Variants in TBC1D10A observed in about 807,000 individuals in gnomAD.
TBC1D10A encodes the protein EBP50-PDX interactor of 64 kDa.
Under a neutral mutation model 52.9 loss-of-function variants are expected in TBC1D10A, and 24 were observed. The ratio of observed to expected loss-of-function variants is 0.45; its 90% CI spans 0.33 to 0.64. The LOEUF (loss-of-function observed/expected upper bound fraction) is 0.64, where lower values mean the gene tolerates loss of function less well. Among genes scored for constraint, TBC1D10A ranks in the 30% least tolerant of loss-of-function variants. The pLI is 0.02. For missense variants in TBC1D10A, 602 were observed against 687.9 expected (o/e 0.88, Z 1.40); for synonymous variants, 278 against 282.9 (o/e 0.98, Z 0.17).
Position 30,299,495 on chromosome 22 carries a change from C to G in TBC1D10A, c.366G>C (p.Gln122His), listed in dbSNP as rs1407856949. 1.9e-6 allele frequency: 3 copies of G among 1,614,096 alleles called. No homozygotes were observed. The highest frequency in any genetic ancestry group is 2.5e-6 in the Non-Finnish European group (3 of 1,180,036). The change falls in exon 3 of 9, where the codon CAG becomes CAC. Residue 122 changes from glutamine (Q) to histidine (H), a missense_variant. By Grantham distance (24) the Gln-to-His change is conservative. Around this residue, in one of 3 missense-constraint regions of TBC1D10A, gnomAD observed 201 missense variants for 204.4 expected, o/e 0.98. Transcript: ENST00000215790. Reference protein sequence around the residue: ...IPPSLRGRAWQYLSGGKVKLQ... With the variant: ...IPPSLRGRAWHYLSGGKVKLQ... ...ACTTCACCTTGCCTCCTGACAGGTA[C>G]TGCCAAGCACGGCCCCGCAGAGAAG... is the stretch of plus-strand genomic sequence containing the variant.
intron 1 of TBC1D10A, among the ~76,000 whole-genome samples, chr22:30,325,663 G>A (rs907828177): frequency 2.0e-5 from 3 of 152,122 alleles, no homozygotes; most frequent in African/African-American, 4.8e-5. Flanking sequence ...ATTCTGTGGG[G>A]CAACATGGGG....
rs1314145104 is a variant in TBC1D10A at position 30,299,506 on chromosome 22, G to A, written c.355C>T (p.Arg119Cys). Residue 119 changes from arginine to cysteine, a missense_variant, in exon 3 of 9, where the codon CGT becomes TGT. Transcript: ENST00000215790. ...QKGIPPSLRG[R>C]AWQYLSGGKV... ...CCTCCTGACAGGTACTGCCAAGCAC[G>A]GCCCCGCAGAGAAGGCGGGATGCCC... 7.4e-6 allele frequency: 12 copies of A among 1,614,186 alleles called. No individual in the cohort carries two copies. Among genetic ancestry groups the A allele is most frequent in the East Asian group, 6.7e-5 (3 of 44,888 alleles).
intron 1 of TBC1D10A, among the ~76,000 whole-genome samples, chr22:30,309,319 C>G (rs1346859310): frequency 1.3e-5 from 2 of 150,656 alleles, no homozygotes. Context: ...TCACTGCAAC[C>G]TCCACCTCCC....
chr22:30,312,565 T>TAAC (rs960773778), intron 1 of TBC1D10A, among the ~76,000 whole-genome samples: 6 of 151,982 alleles, frequency 3.9e-5, no homozygotes, highest in South Asian at 4.2e-4. Context: ...CAAAGAACAA[T>TAAC]AACAACAACA....
At chr22:30,306,485 A>G (rs1930311899) in intron 1 of TBC1D10A, among the ~76,000 whole-genome samples, 1 of 152,222 alleles carries the variant, frequency 6.6e-6, no homozygotes, top group East Asian at 1.9e-4. Context: ...CAGCTTTGGC[A>G]GTTTCAAACC....
intron 1 of TBC1D10A, among the ~76,000 whole-genome samples, chr22:30,314,849 C>T (rs1467924563): frequency 1.3e-5 from 2 of 150,658 alleles, no homozygotes; most frequent in Non-Finnish European, 3.0e-5. Flanking sequence ...ACACAAAAAA[C>T]CCACAAAAAA....
Position 30,292,260 on chromosome 22 carries a change from C to T in TBC1D10A, c.*115G>A. The T allele has an allele frequency of 4.3e-6, 4 of 936,928 alleles. No homozygotes were observed. 58.0% of individuals were successfully genotyped at this position (936,928 alleles called of 1,614,324 possible). ...CTGTGTTGGACCAGCCAGACTCCAG[C>T]CCAGCCCAGTGGCCAGGCAGCTTGG... On this transcript the variant is annotated 3_prime_UTR_variant, in exon 9 of 9. Transcript: ENST00000215790.
chr22:30,322,544 C>T (rs1025100368), intron 1 of TBC1D10A, among the ~76,000 whole-genome samples: 2 of 148,982 alleles, frequency 1.3e-5, no homozygotes, highest in African/African-American at 5.0e-5. Context: ...TCACAGGCCT[C>T]CAGTTTATCC....
At chr22:30,320,109 C>T (rs1427374201) in intron 1 of TBC1D10A, among the ~76,000 whole-genome samples, 1 of 152,168 alleles carries the variant, frequency 6.6e-6, no homozygotes, top group Non-Finnish European at 1.5e-5. Flanking sequence ...TAATCCCTGC[C>T]TCATCTACAA....
intron 4 of TBC1D10A, 56 bp from the exon 5 acceptor site, chr22:30,295,111 C>T: frequency 1.3e-6 from 2 of 1,561,078 alleles, no homozygotes; most frequent in Non-Finnish European, 1.8e-6. Context: ...TACCCACGGC[C>T]TTCACCTATG....
In TBC1D10A at chr22:30,299,560, C is replaced by G; in HGVS notation, c.310-9G>C. 1 of 1,613,760 alleles carries G rather than the reference C, an allele frequency of 6.2e-7. No individual in the cohort carries two copies. Among genetic ancestry groups the G allele is most frequent in the East Asian group, 2.2e-5 (1 of 44,868 alleles). On this transcript the variant is annotated splice_polypyrimidine_tract_variant and intron_variant, in intron 2 of 8. Coordinates refer to ENST00000215790, the MANE Select transcript of TBC1D10A (RefSeq NM_031937.3). ...TGGCACCGCAGACGAATCTGAAAAT[C>G]AAAAGGACAGCTGAGCCCATGCAGC...
At chr22:30,314,617 C>T (rs569292945) in intron 1 of TBC1D10A, among the ~76,000 whole-genome samples, 2 of 152,182 alleles carry the variant, frequency 1.3e-5, no homozygotes, top group East Asian at 1.9e-4. Context: ...TGAGACCAGC[C>T]TGGGCAAGAG....
chr22:30,295,985 A>G, intron 3 of TBC1D10A, 142 bp from the exon 4 acceptor site: 1 of 693,828 alleles, frequency 1.4e-6, no homozygotes, highest in Non-Finnish European at 2.4e-6. Context: ...GGGCCTTCCC[A>G]AGGACAGGAA....
intron 2 of TBC1D10A, among the ~76,000 whole-genome samples, chr22:30,302,798 C>G: frequency 1.3e-5 from 2 of 152,300 alleles, no homozygotes; most frequent in East Asian, 3.9e-4. Context: ...AGGTGCTCCC[C>G]GAAGCTCCCC....
rs775782497 is a variant in TBC1D10A at position 30,326,759 on chromosome 22, G to A, written c.123C>T (p.Leu41=). ...DAATTDELSS[L]GSDSEANGFA... is the part of the protein sequence containing the mutation. ...AGCCGTTGGCCTCCGAGTCAGACCC[G>A]AGAGAGCTGAGTTCGTCGGTGGTTG... The change falls in exon 1 of 9, where the codon CTC becomes CTT. Residue 41 remains leucine (L), a synonymous_variant. Coordinates refer to ENST00000215790, the MANE Select transcript of TBC1D10A (RefSeq NM_031937.3). 2.6e-6 allele frequency: 4 copies of A among 1,525,476 alleles called. No homozygotes were observed. In the East Asian group the frequency reaches 8.0e-5, roughly 31 times the overall value. 94.5% of individuals were successfully genotyped at this position (1,525,476 alleles called of 1,614,324 possible). A position where few individuals can be genotyped will look rare whatever the true frequency, so the allele number is the denominator to read the frequency against.
intron 8 of TBC1D10A, 105 bp from the exon 9 acceptor site, chr22:30,292,956 C>T: frequency 7.9e-7 from 1 of 1,264,454 alleles, no homozygotes; most frequent in South Asian, 1.3e-5. Flanking sequence ...CCAGCCTTGG[C>T]CACTAAACAC....
intron 2 of TBC1D10A, chr22:30,300,449 A>AG: frequency 7.6e-6 from 1 of 131,786 alleles, no homozygotes; most frequent in African/African-American, 2.5e-5. Context: ...ACTCTGTTTC[A>AG]GGAAAAAAAA....
At chr22:30,314,018 C>T (rs978287396) in intron 1 of TBC1D10A, among the ~76,000 whole-genome samples, 3 of 152,276 alleles carry the variant, frequency 2.0e-5, no homozygotes, top group African/African-American at 7.2e-5. Flanking sequence ...ACACTGTGTT[C>T]AGCACTTAAC....
intron 1 of TBC1D10A, among the ~76,000 whole-genome samples, chr22:30,315,281 G>T (rs1930512196): frequency 1.3e-5 from 2 of 152,208 alleles, no homozygotes; most frequent in Admixed American, 1.3e-4. Flanking sequence ...AAATCTCAGA[G>T]GGTAATTTAC....
Sources: gnomAD v4.1 joint callset for allele counts (sites outside exome capture counted in the v4.1 genomes callset) on GRCh38, gnomAD v4.1.1 for gene constraint, gnomAD v4.1.1 regional missense constraint, MANE v1.5 for transcripts, NCBI Gene and HGNC (gene_info 2026-07-23, HGNC 2026-07-21) for gene names.